The following LINGO2 variants were observed in gnomAD, a reference collection of about 807,000 sequenced individuals.
LINGO2 encodes leucine-rich repeat and immunoglobulin-like domain-containing nogo receptor-interacting protein 2.
LINGO2 carries 14 observed loss-of-function variants against 30.6 expected under a neutral mutation model. The observed-to-expected ratio is 0.46, with a 90% CI of 0.30 to 0.72. LINGO2 has a LOEUF of 0.72. Among genes scored for constraint, LINGO2 ranks in the 30% least tolerant of loss-of-function variants. The probability of loss-of-function intolerance (pLI) is 0.07; values close to 1 mark genes in which losing one functional copy is unlikely to be tolerated. For synonymous variants in LINGO2, 317 were observed against 288.5 expected (o/e 1.10, Z -1.00); for missense variants, 729 against 751.7 (o/e 0.97, Z 0.35).
the LINGO2 span, among the ~76,000 whole-genome samples, chr9:29,125,050 C>T: frequency 6.6e-6 from 1 of 152,076 alleles, no homozygotes; most frequent in African/African-American, 2.4e-5. Flanking sequence ...GAAAATGTGG[C>T]ATATATACAC....
chr9:29,058,001 G>A, the LINGO2 span, among the ~76,000 whole-genome samples: 3 of 151,936 alleles, frequency 2.0e-5, no homozygotes, highest in Admixed American at 6.6e-5. Context: ...AATAATCTAC[G>A]CAGAAATACA....
intron 4 of LINGO2, among the ~76,000 whole-genome samples, chr9:28,237,844 ACT>A (rs896060811): frequency 1.3e-5 from 2 of 152,066 alleles, no homozygotes; most frequent in Non-Finnish European, 2.9e-5. Context: ...ACAGAGTGAG[ACT>A]CTGTCAAAAA....
intron 4 of LINGO2, among the ~76,000 whole-genome samples, chr9:28,070,102 T>G (rs1348050483): frequency 1.3e-5 from 2 of 152,140 alleles, no homozygotes; most frequent in African/African-American, 4.8e-5. Flanking sequence ...CACCTAAACC[T>G]GGAGAGATAC....
intron 5 of LINGO2, among the ~76,000 whole-genome samples, chr9:27,970,473 A>G (rs1820301180): frequency 1.3e-5 from 2 of 149,980 alleles, no homozygotes; most frequent in African/African-American, 5.1e-5. Flanking sequence ...AGAGGTTTTG[A>G]GCTGGAATTG....
chr9:27,973,769 T>A (rs1473017899), intron 5 of LINGO2, among the ~76,000 whole-genome samples: 1 of 152,060 alleles, frequency 6.6e-6, no homozygotes, highest in African/African-American at 2.4e-5. Context: ...GAGAAAAAAA[T>A]GTTACTTTAA....
the LINGO2 span, among the ~76,000 whole-genome samples, chr9:28,900,859 T>C: frequency 6.6e-5 from 10 of 151,824 alleles, no homozygotes; most frequent in African/African-American, 2.4e-4. Context: ...TAGCAAAAAA[T>C]TGAAAAACAA....
chr9:28,026,373 C>T (rs979453530), intron 4 of LINGO2, among the ~76,000 whole-genome samples: 1 of 152,122 alleles, frequency 6.6e-6, no homozygotes, highest in Non-Finnish European at 1.5e-5. Context: ...GGTTCTCAAA[C>T]AGTTTGAACA....
At chr9:27,947,552 C>A (rs531290214), downstream of LINGO2, among the ~76,000 whole-genome samples, 12 of 151,990 alleles carry the variant, frequency 7.9e-5, 1 homozygote, top group South Asian at 1.0e-3. Flanking sequence ...AAAGAAAAAA[C>A]CAAAATCTAA....
chr9:28,239,644 A>C (rs1292475601), intron 4 of LINGO2, among the ~76,000 whole-genome samples: 1 of 152,162 alleles, frequency 6.6e-6, no homozygotes, highest in African/African-American at 2.4e-5. Context: ...CAACATAATA[A>C]AATCTGCTTA....
intron 1 of LINGO2, among the ~76,000 whole-genome samples, chr9:28,601,017 C>A (rs1825442578): frequency 6.6e-6 from 1 of 151,978 alleles, no homozygotes. Context: ...TTTTTTTTCT[C>A]TGTAAACAGA....
At chr9:28,055,048 A>G (rs1824860180) in intron 4 of LINGO2, among the ~76,000 whole-genome samples, 1 of 152,082 alleles carries the variant, frequency 6.6e-6, no homozygotes, top group Non-Finnish European at 1.5e-5. Context: ...AAATATATAT[A>G]GCCTCCCAGA....
intron 4 of LINGO2, among the ~76,000 whole-genome samples, chr9:28,138,411 G>A (rs554972440): frequency 2.6e-5 from 4 of 152,242 alleles, no homozygotes; most frequent in Non-Finnish European, 4.4e-5. Context: ...ACAACAAGTC[G>A]ATGACAAAGC....
At chr9:28,414,439 G>A (rs1001378821) in intron 2 of LINGO2, among the ~76,000 whole-genome samples, 1 of 152,086 alleles carries the variant, frequency 6.6e-6, no homozygotes, top group African/African-American at 2.4e-5. Flanking sequence ...GTGCTTGCAA[G>A]TCTTCAAAAC....
chr9:28,153,771 A>T (rs1364012615), intron 4 of LINGO2, among the ~76,000 whole-genome samples: 1 of 152,200 alleles, frequency 6.6e-6, no homozygotes, highest in Non-Finnish European at 1.5e-5. Context: ...ATTTGGTGTT[A>T]CCTAAACTTA....
At chr9:28,990,114 G>A in the LINGO2 span, among the ~76,000 whole-genome samples, 1 of 152,202 alleles carries the variant, frequency 6.6e-6, no homozygotes, top group African/African-American at 2.4e-5. Flanking sequence ...GAAGCGCAAG[G>A]GGTCAGGGAG....
chr9:28,057,568 T>A (rs1222300223), intron 4 of LINGO2, among the ~76,000 whole-genome samples: 1 of 21,268 alleles, frequency 4.7e-5, no homozygotes. Context: ...TATATATACA[T>A]ATATATACAC....
chr9:29,101,535 C>T, the LINGO2 span, among the ~76,000 whole-genome samples: 2 of 152,038 alleles, frequency 1.3e-5, no homozygotes, highest in Non-Finnish European at 2.9e-5. Flanking sequence ...AAATGGCTTC[C>T]CCTCCCCCGT....
the LINGO2 span, among the ~76,000 whole-genome samples, chr9:29,200,862 G>A: frequency 4.6e-5 from 7 of 152,000 alleles, no homozygotes; most frequent in Non-Finnish European, 8.8e-5. Context: ...TGACAGTTTT[G>A]AGGAGTACTG....
At chr9:28,045,079 TAATAG>T (rs954971297) in intron 4 of LINGO2, among the ~76,000 whole-genome samples, 1 of 151,788 alleles carries the variant, frequency 6.6e-6, no homozygotes, top group Non-Finnish European at 1.5e-5. Context: ...TCAGGCAATA[TAATAG>T]AAGAGGAAAA....
Sources: allele counts gnomAD v4.1 joint callset (sites outside exome capture counted in the v4.1 genomes callset), GRCh38; gene constraint gnomAD v4.1.1; transcripts MANE v1.5; gene names NCBI Gene and HGNC (gene_info 2026-07-23, HGNC 2026-07-21).